The following BORCS5 variants were observed in gnomAD, a reference collection of about 807,000 sequenced individuals.
BORCS5 encodes BLOC-1-related complex subunit 5.
In BORCS5, 17 loss-of-function variants were observed where a neutral mutation model predicts 22.1. The observed-to-expected ratio is 0.77, with a 90% confidence interval of 0.53 to 1.15. BORCS5 has a LOEUF of 1.15. Among genes scored for constraint, BORCS5 ranks in the 50% most tolerant of loss-of-function variants. BORCS5 has a pLI of 0.00. For missense variants in BORCS5, 247 were observed against 253.2 expected, an observed-to-expected ratio of 0.98 and a Z score of 0.17; for synonymous variants, 117 against 99.8, an observed-to-expected ratio of 1.17 and a Z score of -1.03.
In BORCS5 at chr12:12,357,111, G is replaced by T. The variant is rs1464587097; in HGVS notation, c.-341G>T. ...CCCGGAAGGAGCGAGCTTGCGGAGC[G>T]TGAACCAGTGAGTGAAAGCGGCGCC... On this transcript the variant is annotated 5_prime_UTR_variant, in exon 1 of 4. Transcript: ENST00000314565. 1 of 1,534,562 alleles carries T rather than the reference G, an allele frequency of 6.5e-7. No homozygotes were observed. Among genetic ancestry groups the T allele is most frequent in the Non-Finnish European group, 8.7e-7 (1 of 1,146,142 alleles).
intron 2 of BORCS5, among the ~76,000 whole-genome samples, chr12:12,369,681 T>C (rs952702070): frequency 6.6e-6 from 1 of 150,938 alleles, no homozygotes; most frequent in Non-Finnish European, 1.5e-5. Flanking sequence ...TAGGAAACTT[T>C]CAATGGTGTG....
chr12:12,430,152 T>A lies in BORCS5; in HGVS notation c.203-5476T>A, dbSNP rs879294943. On this transcript the variant is annotated intron_variant, in intron 2 of 3. Coordinates refer to ENST00000314565, the MANE Select transcript of BORCS5 (RefSeq NM_058169.6). ...ACCACTTTAATCACCTTAGAGAAAA[T>A]TTTTTTTTTTTTTTTTGAGACAGAG... 1.3e-3 allele frequency among the ~76,000 whole-genome samples: 56 copies of A among 42,862 alleles called. 1 individual carries two copies. The highest frequency in any genetic ancestry group is 5.2e-3 in the South Asian group (13 of 2,496). The allele number at this position is 42,862 out of a possible 152,430, so 28.1% of individuals were successfully genotyped here.
intron 3 of BORCS5, among the ~76,000 whole-genome samples, chr12:12,440,044 A>G (rs1942650354): frequency 6.6e-6 from 1 of 152,230 alleles, no homozygotes; most frequent in African/African-American, 2.4e-5. Context: ...CTTAATAACC[A>G]TGGAGAATAT....
chr12:12,370,812 G>A (rs547206742), intron 2 of BORCS5, among the ~76,000 whole-genome samples: 4 of 151,570 alleles, frequency 2.6e-5, no homozygotes, highest in East Asian at 2.0e-4. Flanking sequence ...GCAGTGGTGC[G>A]ATCTTGGCTC....
chr12:12,414,053 C>CG lies in BORCS5; in HGVS notation c.203-21569dup, dbSNP rs1301310632. 3.8e-5 allele frequency among the ~76,000 whole-genome samples: 3 copies of CG among 78,824 alleles called. 1 individual carries two copies. Among genetic ancestry groups the CG allele is most frequent in the Non-Finnish European group, 7.8e-5 (3 of 38,366 alleles). The allele number at this position is 78,824 out of a possible 152,430, so 51.7% of individuals were successfully genotyped here. On this transcript the variant is annotated intron_variant, in intron 2 of 3. Transcript: ENST00000314565. ...CTCCTGGACGGGGCGGCTGGCCAGG[C>CG]GGGGGGCTGATCCCCCCACATCCCT...
rs1306965093 is a variant in BORCS5, at chr12:12,465,608, G to C, written c.423G>C (p.Lys141Asn). Residue 141 changes from lysine to asparagine, a missense_variant, in exon 4 of 4, where the codon AAG becomes AAC. Lys to Asn is a moderately conservative substitution (Grantham distance 94). Coordinates refer to ENST00000314565, the MANE Select transcript of BORCS5 (RefSeq NM_058169.6). ...AGGAGCGCCAGAAAAGATACGCCAA[G>C]TATGCCGAGCAGATCCAGAAAGTGA... ...FMQERQKRYAKYAEQIQKVNE... is the reference protein window; with the variant it reads ...FMQERQKRYANYAEQIQKVNE... 6.2e-7 allele frequency: 1 copy of C among 1,614,280 alleles called. No individual in the cohort carries two copies. Among genetic ancestry groups the C allele is most frequent in the Non-Finnish European group, 8.5e-7 (1 of 1,180,046 alleles).
intron 3 of BORCS5, among the ~76,000 whole-genome samples, chr12:12,463,740 A>C (rs1026158582): frequency 6.6e-6 from 1 of 152,218 alleles, no homozygotes; most frequent in Non-Finnish European, 1.5e-5. Flanking sequence ...ATGTGGAAAC[A>C]TGTAGGGAAG....
chr12:12,427,636 G>A (rs1942322442), intron 2 of BORCS5, among the ~76,000 whole-genome samples: 1 of 152,098 alleles, frequency 6.6e-6, no homozygotes, highest in Non-Finnish European at 1.5e-5. Flanking sequence ...TAGTCAATTT[G>A]GGCTCCTATA....
At chr12:12,427,122 C>T (rs928330105) in intron 2 of BORCS5, among the ~76,000 whole-genome samples, 6 of 150,038 alleles carry the variant, frequency 4.0e-5, no homozygotes, top group South Asian at 2.1e-4. Flanking sequence ...ACGCACATCA[C>T]AAAATTCTCT....
At chr12:12,460,228 A>G (rs1432854877) in intron 3 of BORCS5, among the ~76,000 whole-genome samples, 2 of 152,134 alleles carry the variant, frequency 1.3e-5, no homozygotes, top group African/African-American at 2.4e-5. Flanking sequence ...TCTTATACAT[A>G]TTTTGCTGAA....
rs555288778 is a variant in BORCS5, at chr12:12,357,102, T to A, written c.-350T>A. 3.8e-5 allele frequency: 58 copies of A among 1,534,484 alleles called. No individual in the cohort carries two copies. The South Asian group carries it at 6.2e-4, about 16-fold the overall frequency. ...CATCTGCGTCCCGGAAGGAGCGAGC[T>A]TGCGGAGCGTGAACCAGTGAGTGAA... is the stretch of plus-strand genomic sequence containing the variant. On this transcript the variant is annotated 5_prime_UTR_variant, in exon 1 of 4. In the 5' UTR this introduces an upstream ATG that the reference lacks. Transcript: ENST00000314565.
chr12:12,410,181 G>C (rs1164201262), intron 2 of BORCS5, among the ~76,000 whole-genome samples: 2 of 152,174 alleles, frequency 1.3e-5, no homozygotes, highest in African/African-American at 4.8e-5. Context: ...TAGGTTGCCT[G>C]TTCACTCTGA....
chr12:12,456,350 G>A (rs779458338), intron 3 of BORCS5, among the ~76,000 whole-genome samples: 39 of 152,130 alleles, frequency 2.6e-4, no homozygotes, highest in Non-Finnish European at 4.7e-4. Context: ...AGGATTGCTC[G>A]GACCCAGGAG....
intron 2 of BORCS5, among the ~76,000 whole-genome samples, chr12:12,431,489 GCCTCCGGGTT>G (rs1942425224): frequency 7.1e-6 from 1 of 141,314 alleles, no homozygotes. Context: ...TGCAAGCTCC[GCCTCCGGGTT>G]CAAGCGATTC....
intron 2 of BORCS5, among the ~76,000 whole-genome samples, chr12:12,428,325 C>T (rs1022563843): frequency 6.6e-5 from 10 of 152,186 alleles, no homozygotes; most frequent in Non-Finnish European, 1.5e-4. Context: ...TTTTTCCACT[C>T]AACATTTTAC....
At position 12,430,151 on chromosome 12, in the gene BORCS5, A is replaced by ATTTT. The variant is rs71061068; in HGVS notation, c.203-5463_203-5460dup. ...TACCACTTTAATCACCTTAGAGAAA[A>ATTTT]TTTTTTTTTTTTTTTTTGAGACAGA... On this transcript the variant is annotated intron_variant, in intron 2 of 3. Coordinates refer to ENST00000314565, the MANE Select transcript of BORCS5 (RefSeq NM_058169.6). Among the ~76,000 whole-genome samples, 42 of 107,742 alleles carry ATTTT rather than the reference A, an allele frequency of 3.9e-4. 1 individual carries two copies. The highest frequency in any genetic ancestry group is 1.5e-3 in the African/African-American group (36 of 24,566). 70.7% of individuals were successfully genotyped at this position (107,742 alleles called of 152,430 possible).
chr12:12,416,215 T>G (rs1439845749), intron 2 of BORCS5, among the ~76,000 whole-genome samples: 1 of 152,154 alleles, frequency 6.6e-6, no homozygotes, highest in East Asian at 1.9e-4. Flanking sequence ...CTCTTTTTTC[T>G]TAGTTCCTCT....
chr12:12,469,151 C>G lies in BORCS5; in HGVS notation c.*3375C>G. Reference sequence around the variant, plus strand: ...GTGGATCACCTGAGGTCAGGAGTTCCAGACCAGCCTGACCAACATGGTGAA... The same window carrying G: ...GTGGATCACCTGAGGTCAGGAGTTCGAGACCAGCCTGACCAACATGGTGAA... On this transcript the variant is annotated 3_prime_UTR_variant, in exon 4 of 4. Coordinates refer to ENST00000314565, the MANE Select transcript of BORCS5 (RefSeq NM_058169.6). 6.6e-6 allele frequency: 1 copy of G among 152,170 alleles called. No homozygotes were observed. Among genetic ancestry groups the G allele is most frequent in the Non-Finnish European group, 1.5e-5 (1 of 68,026 alleles). The allele number at this position is 152,170 out of a possible 1,614,324, so 9.4% of individuals were successfully genotyped here. A position where few individuals can be genotyped will look rare whatever the true frequency, so the allele number is the denominator to read the frequency against.
rs184716859 is a variant in BORCS5 at position 12,470,843 on chromosome 12, C to A, written c.*5067C>A. Reference sequence around the variant, plus strand: ...ATGACCAGCGTTATGCTGGTGTGTGCGTGTCCATGCCTCCGGGATTTTTCC... The same window carrying A: ...ATGACCAGCGTTATGCTGGTGTGTGAGTGTCCATGCCTCCGGGATTTTTCC... On this transcript the variant is annotated 3_prime_UTR_variant, in exon 4 of 4. Coordinates refer to ENST00000314565, the MANE Select transcript of BORCS5 (RefSeq NM_058169.6). Among the ~76,000 whole-genome samples, 5 of 151,808 alleles carry A rather than the reference C, an allele frequency of 3.3e-5. No homozygotes were observed. The highest frequency in any genetic ancestry group is 6.6e-5 in the Admixed American group (1 of 15,256).
Sources: gnomAD v4.1 joint callset for allele counts (sites outside exome capture counted in the v4.1 genomes callset) on GRCh38, gnomAD v4.1.1 for gene constraint, MANE v1.5 for transcripts, NCBI Gene and HGNC (gene_info 2026-07-23, HGNC 2026-07-21) for gene names.